JADE1: variants seen among roughly 807,000 people sequenced by gnomAD.
JADE1 encodes the protein protein Jade-1.
Under a neutral mutation model 81.8 loss-of-function variants are expected in JADE1, and 14 were observed. The observed-to-expected ratio is 0.17, with a 90% CI of 0.11 to 0.27. The LOEUF is 0.27. Among genes scored for constraint, JADE1 ranks in the 10% least tolerant of loss-of-function variants. JADE1 has a pLI of 1.00. For missense variants in JADE1, 690 were observed against 1,047.9 expected (o/e 0.66, Z 4.71); for synonymous variants, 353 against 391.9 (o/e 0.90, Z 1.17).
intron 2 of JADE1, among the ~76,000 whole-genome samples, chr4:128,834,821 C>T (rs1728849791): frequency 6.6e-6 from 1 of 151,920 alleles, no homozygotes; most frequent in Admixed American, 6.6e-5. Context: ...AGGCGTGAGC[C>T]ACCACGCCTG....
Position 128,846,050 on chromosome 4 carries a change from T to C in JADE1, c.139-325T>C, listed in dbSNP as rs1423075535. ...GTATCTCCCTTCAGAGATTTCCAGGTACATGTTTTCAGCAGCCCTTTTGGT... is the reference window on the plus strand; with the variant it reads ...GTATCTCCCTTCAGAGATTTCCAGGCACATGTTTTCAGCAGCCCTTTTGGT... On this transcript the variant is annotated intron_variant, in intron 3 of 10. Transcript: ENST00000226319. The surrounding 1 kb of genome is among the most constrained non-coding windows in gnomAD (Gnocchi z 4.0). 1.3e-5 allele frequency among the ~76,000 whole-genome samples: 2 copies of C among 152,100 alleles called. No homozygotes were observed. Among genetic ancestry groups the C allele is most frequent in the African/African-American group, 2.4e-5 (1 of 41,416 alleles).
chr4:128,865,548 T>G (rs773848833), intron 9 of JADE1, among the ~76,000 whole-genome samples: 22 of 152,138 alleles, frequency 1.4e-4, no homozygotes, highest in Non-Finnish European at 2.6e-4. Context: ...TGGGAGAGCA[T>G]CAGTCCAGCT....
Position 128,842,947 on chromosome 4 carries a change from C to T in JADE1, c.53-6C>T. ...ATGGTTCTTATTTGGATATTTGTTT[C>T]TTTAGGCCTGTCAACTACTTGGTCC... On this transcript the variant is annotated splice_polypyrimidine_tract_variant and splice_region_variant and intron_variant, in intron 2 of 10. Transcript: ENST00000226319. 1.2e-6 allele frequency: 2 copies of T among 1,612,880 alleles called. No homozygotes were observed. Among genetic ancestry groups the T allele is most frequent in the Non-Finnish European group, 1.7e-6 (2 of 1,178,942 alleles).
At chr4:128,836,461 C>A (rs1429756945) in intron 2 of JADE1, among the ~76,000 whole-genome samples, 1 of 151,934 alleles carries the variant, frequency 6.6e-6, no homozygotes. Flanking sequence ...TCTTCAACTT[C>A]GTCTTCATGT....
intron 7 of JADE1, 47 bp from the exon 8 acceptor site, chr4:128,857,291 C>A: frequency 7.2e-7 from 1 of 1,392,642 alleles, no homozygotes; most frequent in Non-Finnish European, 1.0e-6. Context: ...TCATGTTCAG[C>A]CTTTGACGAC....
intron 2 of JADE1, among the ~76,000 whole-genome samples, chr4:128,842,013 C>A (rs1217953149): frequency 6.6e-6 from 1 of 152,090 alleles, no homozygotes. Context: ...GGAGTAGACC[C>A]CCCTTTGGAA....
In JADE1 at chr4:128,820,166, C is replaced by T. The variant is rs1332154170; in HGVS notation, c.-27+10289C>T. Among the ~76,000 whole-genome samples the T allele has an allele frequency of 2.7e-5, 4 of 150,888 alleles. No individual in the cohort carries two copies. The East Asian group carries it at 7.8e-4, about 29-fold the overall frequency. On this transcript the variant is annotated intron_variant, in intron 1 of 10. Coordinates refer to ENST00000226319, the MANE Select transcript of JADE1 (RefSeq NM_199320.4). ...TTGCTTTGTCACCCAGGTTGGAGTG[C>T]AGTGGCATGATCTTGGCTCACTGCA... is the stretch of plus-strand genomic sequence containing the variant.
In JADE1 at chr4:128,872,752, G is replaced by T. The variant is rs938310734; in HGVS notation, c.*490G>T. On this transcript the variant is annotated 3_prime_UTR_variant, in exon 11 of 11. Transcript: ENST00000226319. Reference sequence around the variant, plus strand: ...ATATTTGGCCCTCAAGGCTATTTTTGTTGCATTATAGCATATAGGCAGCAG... The same window carrying T: ...ATATTTGGCCCTCAAGGCTATTTTTTTTGCATTATAGCATATAGGCAGCAG... 9.5e-5 allele frequency: 28 copies of T among 293,812 alleles called. No homozygotes were observed. In the Admixed American group the frequency reaches 9.9e-4, roughly 10 times the overall value. The allele number at this position is 293,812 out of a possible 1,614,324, so 18.2% of individuals were successfully genotyped here. A position where few individuals can be genotyped will look rare whatever the true frequency, so the allele number is the denominator to read the frequency against.
At chr4:128,855,068 T>C (rs184975388) in intron 6 of JADE1, among the ~76,000 whole-genome samples, 1 of 152,188 alleles carries the variant, frequency 6.6e-6, no homozygotes, top group East Asian at 1.9e-4. Flanking sequence ...CTAGTTGGTA[T>C]GGAGTTTGCT....
At chr4:128,820,543 A>AG (rs1727470319) in intron 1 of JADE1, among the ~76,000 whole-genome samples, 1 of 152,214 alleles carries the variant, frequency 6.6e-6, no homozygotes, top group South Asian at 2.1e-4. Context: ...AGACCAACTT[A>AG]GGTTTCCATG....
At position 128,871,600 on chromosome 4, in the gene JADE1, G is replaced by A; in HGVS notation, c.1867G>A (p.Gly623Arg). The change falls in exon 11 of 11, where the codon GGG (glycine) becomes AGG (arginine). Residue 623 changes from glycine to arginine, a missense_variant. Gly to Arg is a moderately radical substitution (Grantham distance 125). Around this residue, in one of 8 missense-constraint regions of JADE1, gnomAD observed 218 missense variants for 274.3 expected, o/e 0.79. Coordinates refer to ENST00000226319, the MANE Select transcript of JADE1 (RefSeq NM_199320.4). The surrounding 1 kb of genome is among the most constrained non-coding windows in gnomAD (Gnocchi z 4.1). ...KQPDLCGRRE[G>R]MVVPESFLGL... is the part of the protein sequence containing the mutation. ...GCCAGACCTGTGTGGTAGAAGGGAG[G>A]GGATGGTGGTCCCAGAGAGCTTTTT... The A allele has an allele frequency of 6.2e-7, 1 of 1,614,170 alleles. No individual in the cohort carries two copies. The highest frequency in any genetic ancestry group is 8.5e-7 in the Non-Finnish European group (1 of 1,180,022).
chr4:128,862,161 G>C lies in JADE1; in HGVS notation c.1439G>C (p.Arg480Pro). ...GATGAAGAGGACAATCTAGCCAAGC[G>C]GGAGCAGGATGTCTTATTTAGGAGG... ...KKDEEDNLAK[R>P]EQDVLFRRLQ... Residue 480 changes from arginine (R) to proline (P), a missense_variant, in exon 9 of 11, where the codon CGG becomes CCG. Coordinates refer to ENST00000226319, the MANE Select transcript of JADE1 (RefSeq NM_199320.4). 6.2e-7 allele frequency: 1 copy of C among 1,614,186 alleles called. No homozygotes were observed. The highest frequency in any genetic ancestry group is 8.5e-7 in the Non-Finnish European group (1 of 1,180,030).
In JADE1 at chr4:128,874,897, T is replaced by C. The variant is rs978326183; in HGVS notation, c.*2635T>C. ...GATCTAAATGAAGGGTTTTATGTGT[T>C]GTGTACAAATCTTATTTTGAAATGG... On this transcript the variant is annotated 3_prime_UTR_variant, in exon 11 of 11. Transcript: ENST00000226319. 6.6e-6 allele frequency: 1 copy of C among 152,628 alleles called. No individual in the cohort carries two copies. Among genetic ancestry groups the C allele is most frequent in the African/African-American group, 2.4e-5 (1 of 41,448 alleles). The allele number at this position is 152,628 out of a possible 1,614,324, so 9.5% of individuals were successfully genotyped here.
intron 1 of JADE1, chr4:128,810,421 G>T (rs1361123606): frequency 1.4e-5 from 2 of 147,566 alleles, no homozygotes; most frequent in Non-Finnish European, 3.0e-5. Context: ...AGGAGCAGAA[G>T]CCCAGTTTAA....
intron 1 of JADE1, among the ~76,000 whole-genome samples, chr4:128,830,144 G>A (rs965161794): frequency 2.6e-5 from 4 of 151,952 alleles, no homozygotes; most frequent in Non-Finnish European, 5.9e-5. Flanking sequence ...CCAAAGTGCA[G>A]GGATTACAGG....
At chr4:128,812,994 T>A (rs1726617498) in intron 1 of JADE1, among the ~76,000 whole-genome samples, 1 of 152,266 alleles carries the variant, frequency 6.6e-6, no homozygotes, top group African/African-American at 2.4e-5. Flanking sequence ...CTATTTTTCC[T>A]TTTTATAATA....
chr4:128,871,877 A>G lies in JADE1; in HGVS notation c.2144A>G (p.Lys715Arg). 6.2e-7 allele frequency: 1 copy of G among 1,614,102 alleles called. No individual in the cohort carries two copies. Among genetic ancestry groups the G allele is most frequent in the Non-Finnish European group, 8.5e-7 (1 of 1,179,996 alleles). Residue 715 changes from lysine to arginine, a missense_variant, in exon 11 of 11, where the codon AAG becomes AGG. Physicochemically the swap from Lys to Arg is conservative, Grantham distance 26. Around this residue, in one of 8 missense-constraint regions of JADE1, gnomAD observed 218 missense variants for 274.3 expected, o/e 0.79. Transcript: ENST00000226319. The surrounding 1 kb of genome is among the most constrained non-coding windows in gnomAD (Gnocchi z 4.1). ...GVGQSAPGTR[K>R]EIVPKCNGSL... ...GGGCAGTCAGCACCTGGCACAAGGA[A>G]GGAGATAGTGCCCAAGTGCAATGGC... is the stretch of plus-strand genomic sequence containing the variant.
At chr4:128,855,451 G>A (rs1730711901) in intron 6 of JADE1, among the ~76,000 whole-genome samples, 179 bp from the exon 7 acceptor site, 1 of 152,236 alleles carries the variant, frequency 6.6e-6, no homozygotes, top group Non-Finnish European at 1.5e-5. Context: ...ATGCTCCTGT[G>A]AGGCTGCCGG....
intron 9 of JADE1, chr4:128,863,211 C>G: frequency 1.0e-6 from 1 of 985,562 alleles, no homozygotes; most frequent in Non-Finnish European, 1.2e-6. Context: ...CGTGGGCTGC[C>G]TCCCGCTAGG....
Sources: allele counts gnomAD v4.1 joint callset (sites outside exome capture counted in the v4.1 genomes callset), GRCh38; gene constraint gnomAD v4.1.1; regional missense constraint gnomAD v4.1.1; non-coding constraint Gnocchi (gnomAD v3.1); transcripts MANE v1.5; gene names NCBI Gene and HGNC (gene_info 2026-07-23, HGNC 2026-07-21).